The following LIMA1 variants were observed in gnomAD, a reference collection of about 807,000 sequenced individuals.
The protein encoded by LIMA1 is LIM domain and actin binding 1, also known as LIM domain and actin-binding protein 1.
Under a neutral mutation model 62.6 loss-of-function variants are expected in LIMA1, and 52 were observed. That is an observed-to-expected ratio of 0.83 (90% CI 0.67 to 1.05). The LOEUF is 1.05. LIMA1 is among the 50% of genes least tolerant of loss of function. LIMA1 has a pLI of 0.00. For missense variants in LIMA1, 780 were observed against 902.2 expected (o/e 0.86, Z 1.74); for synonymous variants, 302 against 317.8 (o/e 0.95, Z 0.53).
chr12:50,206,003 A>T lies in LIMA1; in HGVS notation c.696T>A (p.Asp232Glu). Residue 232 changes from aspartate (D) to glutamate (E), a missense_variant, in exon 5 of 11, where the codon GAT (aspartate) becomes GAA (glutamate). Coordinates refer to ENST00000341247, the MANE Select transcript of LIMA1 (RefSeq NM_016357.5). The stretch of plus-strand genomic sequence containing the variant: ...GCTTACCTGGGCCTATTTCCAGGTC[A>T]TCTAGAGAATAGCTGTTTTCAGAGA... ...RKISENSYSL[D>E]DLEIGPGQLS... The T allele has an allele frequency of 6.2e-7, 1 of 1,612,302 alleles. No homozygotes were observed. Among genetic ancestry groups the T allele is most frequent in the South Asian group, 1.1e-5 (1 of 90,888 alleles).
At chr12:50,189,785 C>G (rs1490212122) in intron 9 of LIMA1, 1 of 152,364 alleles carries the variant, frequency 6.6e-6, no homozygotes, top group Non-Finnish European at 1.5e-5. Context: ...GATCTTGGCT[C>G]ACTGCAACCT....
At chr12:50,267,494 G>A (rs1323097496) in intron 1 of LIMA1, among the ~76,000 whole-genome samples, 1 of 151,564 alleles carries the variant, frequency 6.6e-6, no homozygotes, top group Non-Finnish European at 1.5e-5. Context: ...TGGGATTACA[G>A]GTGTGAATCA....
chr12:50,207,012 C>T (rs1223724289), intron 4 of LIMA1, among the ~76,000 whole-genome samples: 1 of 152,090 alleles, frequency 6.6e-6, no homozygotes, highest in Non-Finnish European at 1.5e-5. Context: ...GCAGCCTCCG[C>T]CTCCCAGGTT....
At chr12:50,248,609 T>G (rs775762224) in intron 2 of LIMA1, 24 bp downstream of exon 2, 1 of 1,412,446 alleles carries the variant, frequency 7.1e-7, no homozygotes, top group South Asian at 1.2e-5. Flanking sequence ...CAGATGGTCC[T>G]TTTGGACCAG....
intron 1 of LIMA1, among the ~76,000 whole-genome samples, chr12:50,258,544 G>A (rs922554152): frequency 2.6e-5 from 4 of 151,576 alleles, no homozygotes; most frequent in Admixed American, 6.6e-5. Flanking sequence ...TGATCCTCAC[G>A]CCTCAGCCTC....
At position 50,263,763 on chromosome 12, in the gene LIMA1, G is replaced by C. The variant is rs1038735632; in HGVS notation, c.-23-14989C>G. ...AAAAGATTAAACACAGAGTTACCAT[G>C]GGATCCAGCAATTCCATTCCTCTGT... On this transcript the variant is annotated intron_variant, in intron 1 of 10. Coordinates refer to ENST00000341247, the MANE Select transcript of LIMA1 (RefSeq NM_016357.5). Among the ~76,000 whole-genome samples, 6 of 148,748 alleles carry C rather than the reference G, an allele frequency of 4.0e-5. No homozygotes were observed. In the South Asian group the frequency reaches 1.1e-3, roughly 26 times the overall value.
intron 2 of LIMA1, chr12:50,234,166 T>C: frequency 2.2e-6 from 1 of 454,158 alleles, no homozygotes; most frequent in Non-Finnish European, 4.5e-6. Context: ...TCCGGAGATT[T>C]GTGCAGGTAC....
Position 50,181,920 on chromosome 12 carries a change from A to G in LIMA1, c.1258T>C (p.Cys420Arg). The change falls in exon 10 of 11, where the codon TGC becomes CGC. Residue 420 changes from cysteine (C) to arginine (R), a missense_variant. Cys to Arg is a radical substitution (Grantham distance 180). Coordinates refer to ENST00000341247, the MANE Select transcript of LIMA1 (RefSeq NM_016357.5). ...CTGACTTACCTGAGTTTGTTGTTGC[A>G]ATAGGAGCAACGGAAGCAGCTGATG... ...FHISCFRCSY[C>R]NNKLSLGTYA... The G allele has an allele frequency of 6.2e-7, 1 of 1,614,132 alleles. No individual in the cohort carries two copies. The highest frequency in any genetic ancestry group is 8.5e-7 in the Non-Finnish European group (1 of 1,180,022).
rs550347743 is a variant in LIMA1 at position 50,240,056 on chromosome 12, C to CATAACATAACATAACATAAA, written c.120-8347_120-8346insTTTATGTTATGTTATGTTAT. On this transcript the variant is annotated intron_variant, in intron 2 of 10. Transcript: ENST00000341247. Reference sequence around the variant, plus strand: ...CATAACATAACATAACATAACATAACATAAAATAAAAAATTTTTAAAAGGA... The same window carrying CATAACATAACATAACATAAA: ...CATAACATAACATAACATAACATAACATAACATAACATAACATAAAATAAAATAAAAAATTTTTAAAAGGA... 1.8e-3 allele frequency among the ~76,000 whole-genome samples: 203 copies of CATAACATAACATAACATAAA among 113,264 alleles called. 1 individual carries two copies. Among genetic ancestry groups the CATAACATAACATAACATAAA allele is most frequent in the East Asian group, 5.9e-3 (20 of 3,394 alleles). The allele number at this position is 113,264 out of a possible 152,430, so 74.3% of individuals were successfully genotyped here.
chr12:50,208,933 T>G (rs1415743602), intron 4 of LIMA1, among the ~76,000 whole-genome samples: 3 of 151,772 alleles, frequency 2.0e-5, no homozygotes, highest in Non-Finnish European at 2.9e-5. Flanking sequence ...TAATAATAAT[T>G]TATATCCAGT....
intron 9 of LIMA1, 69 bp downstream of exon 9, chr12:50,192,383 C>T: frequency 9.4e-7 from 1 of 1,068,088 alleles, no homozygotes; most frequent in Non-Finnish European, 1.5e-6. Context: ...ACATCATCAT[C>T]ATAAAAGGTA....
At chr12:50,197,232 G>A (rs566822110) in intron 7 of LIMA1, among the ~76,000 whole-genome samples, 104 of 152,014 alleles carry the variant, frequency 6.8e-4, no homozygotes, top group Non-Finnish European at 1.2e-3. Flanking sequence ...TATCACACCC[G>A]GCTAATTTTT....
At chr12:50,250,868 C>T (rs1941921305) in intron 1 of LIMA1, among the ~76,000 whole-genome samples, 1 of 152,158 alleles carries the variant, frequency 6.6e-6, no homozygotes. Context: ...ATTTACTTCA[C>T]AGTATTCTTA....
Position 50,201,129 on chromosome 12 carries a change from T to TACAGAC in LIMA1, c.865-251_865-246dup, listed in dbSNP as rs1565837584. 3 of 1,245,442 alleles carry TACAGAC rather than the reference T, an allele frequency of 2.4e-6. No individual in the cohort carries two copies. The African/African-American group carries it at 4.6e-5, about 19-fold the overall frequency. The allele number at this position is 1,245,442 out of a possible 1,614,324, so 77.1% of individuals were successfully genotyped here. On this transcript the variant is annotated intron_variant, in intron 6 of 10. Coordinates refer to ENST00000341247, the MANE Select transcript of LIMA1 (RefSeq NM_016357.5). ...TGTAAAACTGGATTGCTCATTAGAA[T>TACAGAC]ACAGACACATCAACACAGGCACACA... is the stretch of plus-strand genomic sequence containing the variant.
At chr12:50,193,570 G>GATATATATATACATGTATATATT (rs1940842429) in intron 8 of LIMA1, among the ~76,000 whole-genome samples, 1 of 114,458 alleles carries the variant, frequency 8.7e-6, no homozygotes, top group African/African-American at 3.5e-5. Flanking sequence ...ATGTATATAT[G>GATATATATATACATGTATATATT]ATATATATAT....
At chr12:50,258,341 C>G (rs1482603770) in intron 1 of LIMA1, among the ~76,000 whole-genome samples, 1 of 152,098 alleles carries the variant, frequency 6.6e-6, no homozygotes, top group Non-Finnish European at 1.5e-5. Context: ...CACTGTCACC[C>G]AGGCTGGACT....
chr12:50,208,146 G>C (rs1172716801), intron 4 of LIMA1, among the ~76,000 whole-genome samples: 3 of 151,994 alleles, frequency 2.0e-5, no homozygotes, highest in Non-Finnish European at 4.4e-5. Flanking sequence ...CCAGGAGTTT[G>C]AGACCAGCTT....
At chr12:50,232,044 T>A (rs940399245) in intron 2 of LIMA1, among the ~76,000 whole-genome samples, 1 of 56,906 alleles carries the variant, frequency 1.8e-5, no homozygotes, top group African/African-American at 9.8e-5. Context: ...AGTGCCCAGC[T>A]TTTTTTTTTT....
In LIMA1 at chr12:50,281,570, AC is replaced by A. The variant is rs1942340196; in HGVS notation, c.-24+1849del. ...ACTCCTTTGCTAATGTTGCCAATAT[AC>A]TGTTCTCTTCCCAGGGACTACCTGA... On this transcript the variant is annotated intron_variant, in intron 1 of 10. Coordinates refer to ENST00000341247, the MANE Select transcript of LIMA1 (RefSeq NM_016357.5). Among the ~76,000 whole-genome samples, 3 of 152,290 alleles carry A rather than the reference AC, an allele frequency of 2.0e-5. No individual in the cohort carries two copies. The South Asian group carries it at 6.2e-4, about 32-fold the overall frequency.
Sources: allele counts gnomAD v4.1 joint callset (sites outside exome capture counted in the v4.1 genomes callset), GRCh38; gene constraint gnomAD v4.1.1; transcripts MANE v1.5; gene names NCBI Gene and HGNC (gene_info 2026-07-23, HGNC 2026-07-21).